Variants in DICER1 observed in about 807,000 individuals in gnomAD.
DICER1 encodes dicer 1, ribonuclease III.
In DICER1, 43 loss-of-function variants were observed where a neutral mutation model predicts 194.1. That is an observed-to-expected ratio of 0.22 (90% CI 0.17 to 0.29). The LOEUF (loss-of-function observed/expected upper bound fraction) is 0.29, where lower values mean the gene tolerates loss of function less well. DICER1 is among the 10% of genes least tolerant of loss of function. DICER1 has a pLI of 1.00. For synonymous variants in DICER1, 832 were observed against 820.5 expected (o/e 1.01, Z -0.24); for missense variants, 1,608 against 2,317.0 (o/e 0.69, Z 6.28).
intron 6 of DICER1, among the ~76,000 whole-genome samples, chr14:95,127,487 C>T (rs1595451057): frequency 7.0e-6 from 1 of 142,610 alleles, no homozygotes; most frequent in Non-Finnish European, 1.5e-5. Flanking sequence ...GAGGATGGGA[C>T]CCAAGTCTAA....
intron 11 of DICER1, among the ~76,000 whole-genome samples, chr14:95,113,483 C>T (rs756642121): frequency 7.9e-5 from 12 of 152,190 alleles, no homozygotes; most frequent in African/African-American, 1.9e-4. Flanking sequence ...AGTACAACTA[C>T]GAAACTCCAT....
At position 95,124,423 on chromosome 14, in the gene DICER1, G is replaced by C. The variant is rs1219577339; in HGVS notation, c.1149C>G (p.Ile383Met). ...VTPKVIKLLEILRKYKPYERQ... is the reference protein window; with the variant it reads ...VTPKVIKLLEMLRKYKPYERQ... Reference sequence around the variant, plus strand: ...GCTCATATGGTTTATATTTGCGTAAGATTTCGAGCAGTTTGATTACTTTAG... The same window carrying C: ...GCTCATATGGTTTATATTTGCGTAACATTTCGAGCAGTTTGATTACTTTAG... Residue 383 changes from isoleucine (I) to methionine (M), a missense_variant, in exon 8 of 27, where the codon ATC (isoleucine) becomes ATG (methionine). Transcript: ENST00000343455. This position sits in a 1 kb window ranked among gnomAD's most constrained non-coding sequence, Gnocchi z 4.5. 1 of 1,614,140 alleles carries C rather than the reference G, an allele frequency of 6.2e-7. No individual in the cohort carries two copies. The highest frequency in any genetic ancestry group is 1.7e-5 in the Admixed American group (1 of 60,024).
At position 95,088,564 on chromosome 14, in the gene DICER1, G is replaced by C. The variant is rs1889523930; in HGVS notation, c.*1934C>G. ...TTAACTGGTCATATCTTACATTAAG[G>C]TTTTTTAAAAAATCAAATAGACATC... On this transcript the variant is annotated 3_prime_UTR_variant, in exon 27 of 27. Coordinates refer to ENST00000343455, the MANE Select transcript of DICER1 (RefSeq NM_177438.3). 2 of 231,600 alleles carry C rather than the reference G, an allele frequency of 8.6e-6. No individual in the cohort carries two copies. Among genetic ancestry groups the C allele is most frequent in the Non-Finnish European group, 8.5e-6 (1 of 117,166 alleles). 14.3% of individuals were successfully genotyped at this position (231,600 alleles called of 1,614,324 possible).
chr14:95,112,652 T>C (rs1595395230), intron 12 of DICER1, among the ~76,000 whole-genome samples: 2 of 152,338 alleles, frequency 1.3e-5, no homozygotes, highest in Admixed American at 1.3e-4. Context: ...AAATCAGTAC[T>C]GAGACCAAGA....
chr14:95,135,636 T>C (rs182920887), intron 1 of DICER1, among the ~76,000 whole-genome samples: 2 of 152,332 alleles, frequency 1.3e-5, no homozygotes, highest in African/African-American at 2.4e-5. Flanking sequence ...ACAAAGACTA[T>C]ATGGATACAA....
rs1259634342 is a variant in DICER1, at chr14:95,106,000, C to T, written c.2987+41G>A. The T allele has an allele frequency of 6.2e-7, 1 of 1,600,978 alleles. No individual in the cohort carries two copies. Among genetic ancestry groups the T allele is most frequent in the African/African-American group, 1.3e-5 (1 of 74,612 alleles). On this transcript the variant is annotated intron_variant, in intron 18 of 26. Transcript: ENST00000343455. This position sits in a 1 kb window ranked among gnomAD's most constrained non-coding sequence, Gnocchi z 4.9. ...ATGTCTAGTGATGTCTGGTAAGAAT[C>T]CCTCAAGTGCAATCCAAGTGTCATC...
chr14:95,095,774 A>G (rs1566753112), intron 23 of DICER1, 51 bp downstream of exon 23: 1 of 1,595,152 alleles, frequency 6.3e-7, no homozygotes, highest in Non-Finnish European at 8.6e-7. Flanking sequence ...CGATGAGATC[A>G]ACACAAAGTC....
chr14:95,090,698 A>T, intron 26 of DICER1, 35 bp from the exon 27 acceptor site: 1 of 1,611,950 alleles, frequency 6.2e-7, no homozygotes, highest in Non-Finnish European at 8.5e-7. Flanking sequence ...ATTAGAAGTC[A>T]GAAGTATTTA....
chr14:95,148,236 C>T (rs1895271194), intron 1 of DICER1, among the ~76,000 whole-genome samples: 1 of 152,126 alleles, frequency 6.6e-6, no homozygotes, highest in African/African-American at 2.4e-5. Context: ...ATTACCTGGG[C>T]ATGATTAACC....
intron 1 of DICER1, among the ~76,000 whole-genome samples, chr14:95,135,751 G>C (rs544031462): frequency 6.6e-6 from 1 of 152,046 alleles, no homozygotes; most frequent in South Asian, 2.1e-4. Context: ...TCTTTTTAGC[G>C]CTGAATAATA....
chr14:95,117,025 G>A (rs1566791055), intron 9 of DICER1, among the ~76,000 whole-genome samples: 1 of 152,136 alleles, frequency 6.6e-6, no homozygotes, highest in Non-Finnish European at 1.5e-5. Flanking sequence ...TGTAGAAAAG[G>A]CCTTCAACAG....
At chr14:95,112,724 T>C (rs1328946804) in intron 12 of DICER1, among the ~76,000 whole-genome samples, 2 of 152,140 alleles carry the variant, frequency 1.3e-5, no homozygotes, top group Non-Finnish European at 2.9e-5. Context: ...AACGCAACGA[T>C]CTATAATAAG....
chr14:95,103,056 T>G (rs754845306), intron 21 of DICER1, among the ~76,000 whole-genome samples: 1 of 152,214 alleles, frequency 6.6e-6, no homozygotes, highest in Admixed American at 6.5e-5. Flanking sequence ...GTGTACACAC[T>G]TGCATAGCTT....
chr14:95,099,153 G>C (rs1566760208), intron 22 of DICER1, among the ~76,000 whole-genome samples: 1 of 152,160 alleles, frequency 6.6e-6, no homozygotes. Flanking sequence ...CCACTGCGCT[G>C]GTTCCTGCAG....
At chr14:95,135,059 C>T (rs1339108658) in intron 1 of DICER1, among the ~76,000 whole-genome samples, 5 of 152,062 alleles carry the variant, frequency 3.3e-5, no homozygotes, top group Admixed American at 2.6e-4. Context: ...CTGCCAAGAA[C>T]CCTATGTGGA....
rs538012929 is a variant in DICER1 at position 95,135,247 on chromosome 14, C to T, written c.-45-1744G>A. The stretch of plus-strand genomic sequence containing the variant: ...GCACTATTCACCCTTAAGCCTGACC[C>T]TTCACTTTCACCCAACCCAAATGCT... On this transcript the variant is annotated intron_variant, in intron 1 of 26. Transcript: ENST00000343455. Among the ~76,000 whole-genome samples the T allele has an allele frequency of 2.2e-4, 33 of 152,298 alleles. 1 individual carries two copies. The South Asian group carries it at 6.4e-3, about 30-fold the overall frequency.
intron 22 of DICER1, among the ~76,000 whole-genome samples, chr14:95,097,850 TAAGA>T (rs1219391403): frequency 2.0e-5 from 3 of 152,272 alleles, no homozygotes; most frequent in African/African-American, 4.8e-5. Context: ...TTTTTTTAAT[TAAGA>T]AAGAAACACC....
At chr14:95,103,286 CA>C in intron 21 of DICER1, 59 bp downstream of exon 21, 1 of 1,563,528 alleles carries the variant, frequency 6.4e-7, no homozygotes, top group Non-Finnish European at 8.8e-7. Flanking sequence ...TCCAACACTG[CA>C]AACCACTTTC....
chr14:95,113,416 G>A (rs538845835), intron 11 of DICER1, among the ~76,000 whole-genome samples, 192 bp from the exon 12 acceptor site: 1 of 152,354 alleles, frequency 6.6e-6, no homozygotes, highest in African/African-American at 2.4e-5. Flanking sequence ...CTGCAAAGAT[G>A]TTCTATATCT....
Sources: allele counts gnomAD v4.1 joint callset (sites outside exome capture counted in the v4.1 genomes callset), GRCh38; gene constraint gnomAD v4.1.1; non-coding constraint Gnocchi (gnomAD v3.1); transcripts MANE v1.5; gene names NCBI Gene and HGNC (gene_info 2026-07-23, HGNC 2026-07-21).